Variants in COL28A1 observed in about 807,000 individuals in gnomAD.
COL28A1 encodes collagen alpha-1(XXVIII) chain.
Under a neutral mutation model 150.2 loss-of-function variants are expected in COL28A1, and 161 were observed. The ratio of observed to expected loss-of-function variants is 1.07; its 90% CI spans 0.94 to 1.22. COL28A1 has a LOEUF of 1.22. Ranked by LOEUF, COL28A1 falls within the 50% of genes most tolerant of loss-of-function variation. The pLI is 0.00. For missense variants in COL28A1, 1,617 were observed against 1,388.3 expected (o/e 1.16, Z -2.62); for synonymous variants, 552 against 469.7 (o/e 1.18, Z -2.26).
At chr7:7,480,152 A>G (rs1366838085) in intron 13 of COL28A1, among the ~76,000 whole-genome samples, 1 of 152,212 alleles carries the variant, frequency 6.6e-6, no homozygotes, top group East Asian at 1.9e-4. Flanking sequence ...ACGAGGATGC[A>G]GCATTATACT....
rs754743946 is a variant in COL28A1 at position 7,436,363 on chromosome 7, A to G, written c.1860+32T>C. ...ATCTACCTTCATTTATTTCAGATAC[A>G]GAAAAACAAAAAGAACATGAATAAA... On this transcript the variant is annotated intron_variant, in intron 23 of 34. Coordinates refer to ENST00000399429, the MANE Select transcript of COL28A1 (RefSeq NM_001037763.3). 6.2e-5 allele frequency: 63 copies of G among 1,015,578 alleles called. 1 individual carries two copies. The highest frequency in any genetic ancestry group is 5.7e-4 in the South Asian group (45 of 78,800). 62.9% of individuals were successfully genotyped at this position (1,015,578 alleles called of 1,614,324 possible). A position where few individuals can be genotyped will look rare whatever the true frequency, so the allele number is the denominator to read the frequency against.
At chr7:7,422,014 A>C (rs1784407874) in intron 25 of COL28A1, among the ~76,000 whole-genome samples, 1 of 151,868 alleles carries the variant, frequency 6.6e-6, no homozygotes, top group South Asian at 2.1e-4. Flanking sequence ...TTCCATTAGC[A>C]CTCCTTTCTT....
chr7:7,512,344 G>C (rs1781190950), intron 8 of COL28A1, among the ~76,000 whole-genome samples: 1 of 151,884 alleles, frequency 6.6e-6, no homozygotes, highest in Non-Finnish European at 1.5e-5. Context: ...TCACTAAAAG[G>C]GTAGATTTTA....
chr7:7,352,471 A>G (rs1221732798), downstream of COL28A1, among the ~76,000 whole-genome samples: 1 of 152,204 alleles, frequency 6.6e-6, no homozygotes, highest in African/African-American at 2.4e-5. Flanking sequence ...TATTCAGGTG[A>G]GCCCAATCTA....
chr7:7,388,899 C>G (rs953251501), intron 27 of COL28A1, among the ~76,000 whole-genome samples: 1 of 152,058 alleles, frequency 6.6e-6, no homozygotes, highest in Non-Finnish European at 1.5e-5. Flanking sequence ...GATATTAGCC[C>G]TTTGTCAGAT....
At chr7:7,379,458 C>G (rs1358975834) in intron 30 of COL28A1, among the ~76,000 whole-genome samples, 1 of 152,130 alleles carries the variant, frequency 6.6e-6, no homozygotes, top group East Asian at 1.9e-4. Context: ...ATTTTGTCTG[C>G]TCTGGACCCC....
At chr7:7,386,558 G>A (rs895587087) in intron 27 of COL28A1, among the ~76,000 whole-genome samples, 3 of 152,202 alleles carry the variant, frequency 2.0e-5, no homozygotes, top group South Asian at 2.1e-4. Context: ...GGTGCCACAT[G>A]TTATACAAGC....
At position 7,373,480 on chromosome 7, in the gene COL28A1, AC is replaced by A. The variant is rs754719190; in HGVS notation, c.2425del (p.Val809TrpfsTer13). 3 of 1,614,048 alleles carry A rather than the reference AC, an allele frequency of 1.9e-6. No individual in the cohort carries two copies. Among genetic ancestry groups the A allele is most frequent in the Non-Finnish European group, 2.5e-6 (3 of 1,180,022 alleles). ...LVFVIDSSES[V>X]GPENFQIIKN... ...AATGATCTGAAAGTTCTCTGGCCCC[AC>A]GCTTTCTGAGCTGTCGATCACAAAC... On this transcript the variant is annotated frameshift_variant, in exon 32 of 35. Coordinates refer to ENST00000399429, the MANE Select transcript of COL28A1 (RefSeq NM_001037763.3). LOFTEE classifies it high-confidence loss of function. The surrounding 1 kb of genome is among the most constrained non-coding windows in gnomAD (Gnocchi z 4.1).
chr7:7,402,637 C>T (rs1783271891), intron 27 of COL28A1, among the ~76,000 whole-genome samples: 1 of 152,142 alleles, frequency 6.6e-6, no homozygotes. Flanking sequence ...CTAAACAAGA[C>T]CAACTTATCT....
intron 27 of COL28A1, among the ~76,000 whole-genome samples, chr7:7,383,628 A>C (rs1392905758): frequency 2.0e-5 from 3 of 147,390 alleles, no homozygotes; most frequent in Non-Finnish European, 3.0e-5. Context: ...TTATGCATCC[A>C]ATTTTTTAAA....
At chr7:7,438,353 A>T (rs1474959925) in intron 21 of COL28A1, among the ~76,000 whole-genome samples, 3 of 152,226 alleles carry the variant, frequency 2.0e-5, no homozygotes, top group African/African-American at 7.2e-5. Flanking sequence ...TCAAAGACTC[A>T]ATCTGGAGCA....
At chr7:7,350,648 T>G in the COL28A1 span, among the ~76,000 whole-genome samples, 1 of 139,368 alleles carries the variant, frequency 7.2e-6, no homozygotes, top group Non-Finnish European at 1.5e-5. Context: ...GTTTTTTGTT[T>G]TCTTTCCTTT....
At chr7:7,459,857 T>A (rs1787473627) in intron 15 of COL28A1, among the ~76,000 whole-genome samples, 1 of 152,186 alleles carries the variant, frequency 6.6e-6, no homozygotes, top group South Asian at 2.1e-4. Context: ...TGGACCAAGA[T>A]GAAAGCCAGA....
intron 2 of COL28A1, among the ~76,000 whole-genome samples, chr7:7,532,540 A>G (rs147211021): frequency 6.6e-6 from 1 of 152,106 alleles, no homozygotes; most frequent in African/African-American, 2.4e-5. Context: ...GTGAGGCTCA[A>G]ATGAGATAAT....
At chr7:7,397,920 AG>A (rs1312926182) in intron 27 of COL28A1, among the ~76,000 whole-genome samples, 4 of 152,336 alleles carry the variant, frequency 2.6e-5, no homozygotes, top group Admixed American at 2.6e-4. Flanking sequence ...CGTAACTAAA[AG>A]GTTAATTGGT....
intron 27 of COL28A1, among the ~76,000 whole-genome samples, chr7:7,396,441 G>A (rs529185215): frequency 1.3e-5 from 2 of 152,314 alleles, no homozygotes; most frequent in South Asian, 2.1e-4. Context: ...CTATCTTGGT[G>A]TAGAGCAGAA....
At chr7:7,362,505 G>GTGCA (rs1346297441) in intron 33 of COL28A1, among the ~76,000 whole-genome samples, 1 of 151,964 alleles carries the variant, frequency 6.6e-6, no homozygotes, top group Non-Finnish European at 1.5e-5. Flanking sequence ...TTTTTTGTGT[G>GTGCA]TGCATGCATA....
chr7:7,528,389 A>G (rs542038926), intron 3 of COL28A1, among the ~76,000 whole-genome samples: 117 of 152,198 alleles, frequency 7.7e-4, no homozygotes, highest in Non-Finnish European at 1.4e-3. Context: ...TGGAGTCATT[A>G]AGTCTCTTTT....
chr7:7,362,842 A>C (rs902896132), intron 33 of COL28A1, among the ~76,000 whole-genome samples: 2 of 152,092 alleles, frequency 1.3e-5, no homozygotes, highest in African/African-American at 4.8e-5. Context: ...CTAGAGGAAA[A>C]CTTTCTTGGT....
Sources: allele counts gnomAD v4.1 joint callset (sites outside exome capture counted in the v4.1 genomes callset), GRCh38; gene constraint gnomAD v4.1.1; non-coding constraint Gnocchi (gnomAD v3.1); transcripts MANE v1.5; gene names NCBI Gene and HGNC (gene_info 2026-07-23, HGNC 2026-07-21).